Variants in GALNT14 observed in about 807,000 individuals in gnomAD.
GALNT14 encodes the protein UDP-GalNAc:polypeptide N-acetylgalactosaminyltransferase 14.
In GALNT14, 60 loss-of-function variants were observed where a neutral mutation model predicts 77.5. The ratio of observed to expected loss-of-function variants is 0.77; its 90% CI spans 0.63 to 0.96. The LOEUF is 0.96. GALNT14 is among the 40% of genes least tolerant of loss of function. The pLI, the probability that GALNT14 is intolerant of heterozygous loss-of-function variation, is 0.00. For missense variants in GALNT14, 710 were observed against 731.0 expected (o/e 0.97, Z 0.33); for synonymous variants, 280 against 281.7 (o/e 0.99, Z 0.06).
intron 1 of GALNT14, among the ~76,000 whole-genome samples, chr2:31,096,904 C>T (rs1033867512): frequency 6.6e-6 from 1 of 152,114 alleles, no homozygotes. Context: ...CTCAGGAATC[C>T]AGGTCCCCAC....
chr2:31,106,168 G>A (rs1022921700), intron 1 of GALNT14, among the ~76,000 whole-genome samples: 8 of 152,086 alleles, frequency 5.3e-5, no homozygotes, highest in African/African-American at 1.9e-4. Flanking sequence ...AGCTGTTCTG[G>A]ATAATTTTGC....
Position 31,138,027 on chromosome 2 carries a change from C to G in GALNT14, c.60G>C (p.Val20=). Residue 20 remains valine, a synonymous_variant, in exon 1 of 15, where the codon GTG becomes GTC. Coordinates refer to ENST00000349752, the MANE Select transcript of GALNT14 (RefSeq NM_024572.4). ...LPVFGVLWIT[V]LLFFWVTKRK... is the part of the protein sequence containing the mutation. ...TCTTGGTTACCCAGAAGAACAGCAG[C>G]ACCGTGATCCAGAGCACCCCGAAGA... is the stretch of plus-strand genomic sequence containing the variant. 3 of 1,613,890 alleles carry G rather than the reference C, an allele frequency of 1.9e-6. No homozygotes were observed. The highest frequency in any genetic ancestry group is 2.5e-6 in the Non-Finnish European group (3 of 1,179,826).
intron 6 of GALNT14, 135 bp downstream of exon 6, chr2:30,955,483 T>C: frequency 1.6e-6 from 2 of 1,222,472 alleles, no homozygotes; most frequent in African/African-American, 3.0e-5. Context: ...CCTTCATCAA[T>C]AAAATCGGGA....
intron 1 of GALNT14, among the ~76,000 whole-genome samples, chr2:31,003,493 G>A (rs1351271323): frequency 1.3e-5 from 2 of 152,188 alleles, no homozygotes; most frequent in Non-Finnish European, 2.9e-5. Context: ...CGGAGGGTCT[G>A]CCAGCCAGGC....
intron 1 of GALNT14, among the ~76,000 whole-genome samples, chr2:31,105,863 T>A (rs2148619094): frequency 6.6e-6 from 1 of 152,340 alleles, no homozygotes; most frequent in Admixed American, 6.5e-5. Flanking sequence ...ACACTTCTAA[T>A]TCCAATCCAG....
At chr2:30,932,025 G>A (rs770773384) in intron 10 of GALNT14, 43 bp downstream of exon 10, 4 of 1,456,144 alleles carry the variant, frequency 2.7e-6, no homozygotes, top group South Asian at 3.0e-5. Context: ...AGCCTTGGCT[G>A]CCTGTGCTGC....
intron 2 of GALNT14, among the ~76,000 whole-genome samples, chr2:30,989,252 G>C (rs1669508683): frequency 6.6e-6 from 1 of 151,982 alleles, no homozygotes; most frequent in Non-Finnish European, 1.5e-5. Context: ...CACACTCATG[G>C]GGATTTGACA....
At chr2:30,920,158 A>G (rs925735904) in intron 13 of GALNT14, among the ~76,000 whole-genome samples, 2 of 152,206 alleles carry the variant, frequency 1.3e-5, no homozygotes, top group Non-Finnish European at 2.9e-5. Context: ...AGCATCAGCA[A>G]GAGCAGAGCT....
At chr2:31,104,984 G>A (rs12996218) in intron 1 of GALNT14, among the ~76,000 whole-genome samples, 93,169 of 152,104 alleles carry the variant, frequency 0.61, 30,143 homozygotes, top group African/African-American at 0.82. Flanking sequence ...TCCACCCACA[G>A]GACAGCACCC....
At chr2:31,118,352 A>G (rs1314920245) in intron 1 of GALNT14, among the ~76,000 whole-genome samples, 1 of 152,248 alleles carries the variant, frequency 6.6e-6, no homozygotes, top group Non-Finnish European at 1.5e-5. Context: ...TTATGAAAAT[A>G]GATGTTAAAA....
downstream of GALNT14, among the ~76,000 whole-genome samples, chr2:30,905,521 A>G (rs570954184): frequency 1.1e-4 from 17 of 152,230 alleles, no homozygotes; most frequent in African/African-American, 4.1e-4. Flanking sequence ...AAAAAGAATA[A>G]AAAGAAATGA....
chr2:31,082,955 T>G (rs1267909291), intron 1 of GALNT14, among the ~76,000 whole-genome samples: 1 of 151,994 alleles, frequency 6.6e-6, no homozygotes, highest in Non-Finnish European at 1.5e-5. Flanking sequence ...GAGGCGGAGG[T>G]TGCAGTGAGC....
the GALNT14 span, among the ~76,000 whole-genome samples, chr2:30,895,294 G>T: frequency 6.6e-6 from 1 of 152,086 alleles, no homozygotes; most frequent in African/African-American, 2.4e-5. Flanking sequence ...CATGGACAGA[G>T]GACATGCAGG....
chr2:30,955,854 A>C (rs1573031779), intron 5 of GALNT14, 58 bp downstream of exon 5: 3 of 1,610,740 alleles, frequency 1.9e-6, no homozygotes, highest in Non-Finnish European at 2.5e-6. Flanking sequence ...ACACACCATC[A>C]CACCTTCGAC....
In GALNT14 at chr2:31,134,658, G is replaced by A. The variant is rs552082988; in HGVS notation, c.129+3300C>T. 9.8e-5 allele frequency among the ~76,000 whole-genome samples: 15 copies of A among 152,298 alleles called. No individual in the cohort carries two copies. In the South Asian group the frequency reaches 1.0e-3, roughly 11 times the overall value. ...CCAAGGGCAGGGGTGATGTCCCTCC[G>A]CAGTAGCTCCTGCCTTAGCACCTCC... On this transcript the variant is annotated intron_variant, in intron 1 of 14. Coordinates refer to ENST00000349752, the MANE Select transcript of GALNT14 (RefSeq NM_024572.4).
At chr2:31,122,382 G>T (rs1678459082) in intron 1 of GALNT14, among the ~76,000 whole-genome samples, 1 of 152,220 alleles carries the variant, frequency 6.6e-6, no homozygotes, top group Non-Finnish European at 1.5e-5. Flanking sequence ...CCACATGGGG[G>T]AATGGGAGCT....
At chr2:30,938,373 C>CAA (rs1666182643) in intron 9 of GALNT14, among the ~76,000 whole-genome samples, 4 of 147,164 alleles carry the variant, frequency 2.7e-5, no homozygotes, top group Admixed American at 2.7e-4. Context: ...CACACACACA[C>CAA]ACACACACAC....
intron 2 of GALNT14, among the ~76,000 whole-genome samples, chr2:30,986,112 T>A (rs1309725530): frequency 6.6e-6 from 1 of 152,048 alleles, no homozygotes; most frequent in Non-Finnish European, 1.5e-5. Context: ...GTGGGATGTA[T>A]CAAAGTGTAG....
At chr2:31,135,212 T>A (rs1321464135) in intron 1 of GALNT14, among the ~76,000 whole-genome samples, 1 of 152,120 alleles carries the variant, frequency 6.6e-6, no homozygotes, top group Non-Finnish European at 1.5e-5. Context: ...GCAACCCTGG[T>A]AAAAACAGTA....
Sources: gnomAD v4.1 joint callset for allele counts (sites outside exome capture counted in the v4.1 genomes callset) on GRCh38, gnomAD v4.1.1 for gene constraint, MANE v1.5 for transcripts, NCBI Gene and HGNC (gene_info 2026-07-23, HGNC 2026-07-21) for gene names.